Variants in INO80 observed in about 807,000 individuals in gnomAD.
The protein encoded by INO80 is chromatin-remodeling ATPase INO80.
INO80 carries 20 observed loss-of-function variants against 203.4 expected under a neutral mutation model. The ratio of observed to expected loss-of-function variants is 0.10; its 90% CI spans 0.07 to 0.14. INO80 has a LOEUF of 0.14. INO80 is among the 10% of genes least tolerant of loss of function. INO80 has a pLI of 1.00. For synonymous variants in INO80, 726 were observed against 685.2 expected (o/e 1.06, Z -0.93); for missense variants, 1,419 against 1,914.4 (o/e 0.74, Z 4.83).
chr15:41,064,216 CAT>C (rs1267043454), intron 14 of INO80, among the ~76,000 whole-genome samples: 3 of 152,096 alleles, frequency 2.0e-5, no homozygotes, highest in Non-Finnish European at 2.9e-5. Context: ...ACACAAAGGA[CAT>C]ATAAACACTG....
At chr15:41,032,356 G>A (rs541451559) in intron 24 of INO80, among the ~76,000 whole-genome samples, 77 of 152,088 alleles carry the variant, frequency 5.1e-4, no homozygotes, top group Admixed American at 9.8e-4. Context: ...TAGATTATAC[G>A]GATTATATTT....
chr15:41,047,679 G>C (rs2044792894), intron 22 of INO80, among the ~76,000 whole-genome samples, 178 bp from the exon 23 acceptor site: 1 of 152,174 alleles, frequency 6.6e-6, no homozygotes, highest in Non-Finnish European at 1.5e-5. Flanking sequence ...ACAGATAAGA[G>C]AGGCAGGCCT....
chr15:41,057,176 G>A (rs1189938516), intron 16 of INO80, among the ~76,000 whole-genome samples: 5 of 152,062 alleles, frequency 3.3e-5, no homozygotes, highest in East Asian at 1.9e-4. Flanking sequence ...ATGCTCCTTC[G>A]AACAACTGCA....
intron 24 of INO80, among the ~76,000 whole-genome samples, chr15:41,030,817 G>C (rs2044448255): frequency 6.6e-6 from 1 of 151,998 alleles, no homozygotes; most frequent in Non-Finnish European, 1.5e-5. Flanking sequence ...TGGGATTACA[G>C]GTGTGCGCCA....
intron 14 of INO80, among the ~76,000 whole-genome samples, chr15:41,061,139 T>C (rs1330753189): frequency 6.6e-6 from 1 of 151,952 alleles, no homozygotes; most frequent in African/African-American, 2.4e-5. Flanking sequence ...AAACTCTCTC[T>C]CTACAAAAAA....
chr15:41,109,816 T>C (rs533058076), intron 1 of INO80, among the ~76,000 whole-genome samples: 1 of 151,732 alleles, frequency 6.6e-6, no homozygotes, highest in African/African-American at 2.4e-5. Context: ...CCTGTAGTCC[T>C]AGCTACTCAG....
chr15:41,041,618 T>C (rs1962410), intron 24 of INO80, among the ~76,000 whole-genome samples: 63,570 of 151,204 alleles, frequency 0.42, 13,511 homozygotes, highest in South Asian at 0.48. Flanking sequence ...TTTTTGTATT[T>C]TTTTAGTAGA....
At position 41,116,014 on chromosome 15, in the gene INO80, G is replaced by GGGGCGGGGTGC. The variant is rs1166983227; in HGVS notation, c.-96_-86dup. 7.7e-6 allele frequency: 3 copies of GGGGCGGGGTGC among 391,504 alleles called. No individual in the cohort carries two copies. The highest frequency in any genetic ancestry group is 1.4e-5 in the Non-Finnish European group (3 of 221,444). 24.3% of individuals were successfully genotyped at this position (391,504 alleles called of 1,614,324 possible). On this transcript the variant is annotated 5_prime_UTR_variant, in exon 1 of 36. The change abolishes the stop of an existing upstream ORF in the 5' untranslated region. Coordinates refer to ENST00000648947, the MANE Select transcript of INO80 (RefSeq NM_017553.3). ...CCGCCGCCGCGACGGCGGCGGAGGG[G>GGGGCGGGGTGC]GGGCGGGGTGCGGGCGGGGTCCGGA...
chr15:40,996,226 TATAAA>T (rs1198882978), intron 29 of INO80, among the ~76,000 whole-genome samples: 1 of 152,224 alleles, frequency 6.6e-6, no homozygotes, highest in Non-Finnish European at 1.5e-5. Flanking sequence ...TCATGCCTTT[TATAAA>T]ATAATTTCCC....
At chr15:41,041,896 G>A (rs964061955) in intron 24 of INO80, among the ~76,000 whole-genome samples, 1 of 146,282 alleles carries the variant, frequency 6.8e-6, no homozygotes, top group Non-Finnish European at 1.5e-5. Flanking sequence ...GTACAGTGGT[G>A]CACTCAGGGT....
intron 35 of INO80, among the ~76,000 whole-genome samples, chr15:40,981,513 A>G (rs1221248351): frequency 6.6e-6 from 1 of 152,194 alleles, no homozygotes; most frequent in Non-Finnish European, 1.5e-5. Context: ...GAACCAATAA[A>G]TGAAAGCTGA....
intron 9 of INO80, 137 bp downstream of exon 9, chr15:41,079,564 G>A (rs556953681): frequency 3.8e-5 from 30 of 782,120 alleles, no homozygotes; most frequent in Middle Eastern, 2.8e-4. Context: ...TGGAGAAACC[G>A]CATCTCTACC....
intron 4 of INO80, 141 bp downstream of exon 4, chr15:41,095,460 T>C: frequency 1.6e-6 from 1 of 640,756 alleles, no homozygotes; most frequent in East Asian, 2.7e-5. Context: ...CTCAATAATC[T>C]CTTCAAAAAA....
chr15:41,084,969 T>G (rs1298059026), intron 7 of INO80, among the ~76,000 whole-genome samples: 1 of 152,160 alleles, frequency 6.6e-6, no homozygotes, highest in African/African-American at 2.4e-5. Flanking sequence ...ACTCCTGGGC[T>G]CAAGCGATCT....
At position 40,980,211 on chromosome 15, in the gene INO80, G is replaced by A. The variant is rs1278324645; in HGVS notation, c.*12C>T. 7 of 1,610,016 alleles carry A rather than the reference G, an allele frequency of 4.3e-6. No individual in the cohort carries two copies. Among genetic ancestry groups the A allele is most frequent in the Non-Finnish European group, 8.5e-7 (1 of 1,177,964 alleles). ...CCTGGTTTGGTTGAAGGAAGTCGGAGGGCCCAGATGGTTACCGTCCTCCAG... is the reference window on the plus strand; with the variant it reads ...CCTGGTTTGGTTGAAGGAAGTCGGAAGGCCCAGATGGTTACCGTCCTCCAG... On this transcript the variant is annotated 3_prime_UTR_variant, in exon 36 of 36. Transcript: ENST00000648947.
intron 24 of INO80, among the ~76,000 whole-genome samples, chr15:41,034,002 C>A (rs906698110): frequency 9.2e-5 from 14 of 152,074 alleles, no homozygotes; most frequent in Non-Finnish European, 1.5e-4. Context: ...GCAGAGCTTG[C>A]AGTGAGCTGA....
chr15:41,033,739 A>T (rs2044527318), intron 24 of INO80, among the ~76,000 whole-genome samples: 1 of 152,190 alleles, frequency 6.6e-6, no homozygotes, highest in Non-Finnish European at 1.5e-5. Flanking sequence ...ATTCACATCA[A>T]TTAAGAGATT....
intron 25 of INO80, chr15:41,024,779 A>G (rs753362797): frequency 6.6e-6 from 1 of 152,230 alleles, no homozygotes; most frequent in Non-Finnish European, 1.5e-5. Flanking sequence ...CATGTGTCAG[A>G]GAAATTAATT....
At chr15:40,994,406 C>G (rs1264805382) in intron 29 of INO80, among the ~76,000 whole-genome samples, 4 of 152,248 alleles carry the variant, frequency 2.6e-5, no homozygotes, top group African/African-American at 9.6e-5. Context: ...CTGTGTCACC[C>G]AGGCTGGAGT....
Sources: allele counts gnomAD v4.1 joint callset (sites outside exome capture counted in the v4.1 genomes callset), GRCh38; gene constraint gnomAD v4.1.1; transcripts MANE v1.5; gene names NCBI Gene and HGNC (gene_info 2026-07-23, HGNC 2026-07-21).